PKP1: variants seen among roughly 807,000 people sequenced by gnomAD.
The protein encoded by PKP1 is plakophilin-1.
A neutral mutation model predicts 76.4 loss-of-function variants in PKP1; 27 were observed. The ratio of observed to expected loss-of-function variants is 0.35; its 90% CI spans 0.26 to 0.49. PKP1 has a LOEUF of 0.49. Ranked by LOEUF, PKP1 falls within the 20% of genes least tolerant of loss-of-function variation. The pLI is 0.99. For missense variants in PKP1, 964 were observed against 955.2 expected, an observed-to-expected ratio of 1.01 and a Z score of -0.12; for synonymous variants, 404 against 384.2, an observed-to-expected ratio of 1.05 and a Z score of -0.60.
rs199726807 is a variant in PKP1 at position 201,324,928 on chromosome 1, G to A, written c.1835-13G>A. 1.6e-4 allele frequency: 254 copies of A among 1,612,662 alleles called. No homozygotes were observed. In the African/African-American group the frequency reaches 2.9e-3, roughly 19 times the overall value. ...TCATCCTGACCCTGTGCCCCAACTC[G>A]TTCCTCTCCCAGGGAACCAGGTGTT... On this transcript the variant is annotated splice_polypyrimidine_tract_variant and intron_variant, in intron 10 of 13. Transcript: ENST00000367324.
At chr1:201,295,199 G>C (rs1468099583) in intron 2 of PKP1, among the ~76,000 whole-genome samples, 1 of 152,044 alleles carries the variant, frequency 6.6e-6, no homozygotes, top group Non-Finnish European at 1.5e-5. Context: ...GGAGAGGAGA[G>C]GGTGAGGAGT....
intron 3 of PKP1, 27 bp downstream of exon 3, chr1:201,313,587 A>T (rs764295170): frequency 6.2e-7 from 1 of 1,602,782 alleles, no homozygotes; most frequent in Admixed American, 1.7e-5. Context: ...TGGGTTGGGG[A>T]GCCAGGAGGG....
At chr1:201,286,286 C>T (rs1655735578) in intron 1 of PKP1, among the ~76,000 whole-genome samples, 1 of 152,142 alleles carries the variant, frequency 6.6e-6, no homozygotes, top group South Asian at 2.1e-4. Flanking sequence ...AGAGCAGAGT[C>T]AGTTTACCTA....
Position 201,318,808 on chromosome 1 carries a change from G to A in PKP1, c.1232+13G>A, listed in dbSNP as rs1446577143. ...CAGGCTGCTTGAGGTGAGAGAAGAG[G>A]ATACATGGGGTCTTTTTGTCCCAGC... On this transcript the variant is annotated intron_variant, in intron 6 of 13. Coordinates refer to ENST00000367324, the MANE Select transcript of PKP1 (RefSeq NM_001005337.3). 1 of 1,581,978 alleles carries A rather than the reference G, an allele frequency of 6.3e-7. No homozygotes were observed. Among genetic ancestry groups the A allele is most frequent in the Non-Finnish European group, 8.6e-7 (1 of 1,163,688 alleles).
At chr1:201,316,287 G>T in intron 3 of PKP1, 1 of 466,232 alleles carries the variant, frequency 2.1e-6, no homozygotes, top group East Asian at 3.5e-5. Context: ...CCTCAGTGGA[G>T]AGATAACATA....
At chr1:201,327,598 C>T (rs1383261761) in intron 12 of PKP1, among the ~76,000 whole-genome samples, 1 of 151,746 alleles carries the variant, frequency 6.6e-6, no homozygotes. Context: ...TCAGCTTACC[C>T]CAAAACACAG....
Position 201,293,924 on chromosome 1 carries a change from C to G in PKP1, c.203-18C>G. The G allele has an allele frequency of 6.4e-7, 1 of 1,550,482 alleles. No individual in the cohort carries two copies. Among genetic ancestry groups the G allele is most frequent in the African/African-American group, 1.4e-5 (1 of 73,692 alleles). On this transcript the variant is annotated intron_variant, in intron 1 of 13. Transcript: ENST00000367324. ...GATCATGGCCATCCCTGTCCTAATC[C>G]CCTCCTTTCTCCTCTAGGTTCCATG...
chr1:201,324,597 C>T lies in PKP1; in HGVS notation c.1834+16C>T. 1.9e-6 allele frequency: 3 copies of T among 1,613,792 alleles called. No homozygotes were observed. The highest frequency in any genetic ancestry group is 3.3e-4 in the Middle Eastern group (2 of 6,058). ...AGAGTGATGGGTAAGGTCCCTCTCTCTCCTCCCCCTCTAGCTAAGACATGG... is the reference window on the plus strand; with the variant it reads ...AGAGTGATGGGTAAGGTCCCTCTCTTTCCTCCCCCTCTAGCTAAGACATGG... On this transcript the variant is annotated intron_variant, in intron 10 of 13. Transcript: ENST00000367324.
At chr1:201,300,132 C>T (rs940947480) in intron 2 of PKP1, among the ~76,000 whole-genome samples, 3 of 152,356 alleles carry the variant, frequency 2.0e-5, no homozygotes, top group Non-Finnish European at 4.4e-5. Flanking sequence ...CAAGAAGAGG[C>T]AATGATCCTA....
At chr1:201,294,427 C>A (rs1297086395) in intron 2 of PKP1, among the ~76,000 whole-genome samples, 1 of 152,184 alleles carries the variant, frequency 6.6e-6, no homozygotes, top group Non-Finnish European at 1.5e-5. Flanking sequence ...TCTGTTCGTT[C>A]TGTGCCTATG....
chr1:201,294,888 A>G (rs773912958), intron 2 of PKP1, among the ~76,000 whole-genome samples: 3 of 152,370 alleles, frequency 2.0e-5, no homozygotes, highest in South Asian at 2.1e-4. Context: ...CAGCCAGTGC[A>G]GGAATTTTCT....
In PKP1 at chr1:201,332,540, C is replaced by T. The variant is rs1657360616; in HGVS notation, c.*2499C>T. The T allele has an allele frequency of 1.3e-5, 2 of 152,270 alleles. No homozygotes were observed. The allele number at this position is 152,270 out of a possible 1,614,324, so 9.4% of individuals were successfully genotyped here. A position where few individuals can be genotyped will look rare whatever the true frequency, so the allele number is the denominator to read the frequency against. ...GGATTTTAAGTCCACATTGGCCTCA[C>T]ACTACCAGGGCCAATGCCCAAAATA... On this transcript the variant is annotated 3_prime_UTR_variant, in exon 14 of 14. Transcript: ENST00000367324.
At position 201,283,828 on chromosome 1, in the gene PKP1, G is replaced by A; in HGVS notation, c.126G>A (p.Gln42=). Residue 42 remains glutamine (Q), a synonymous_variant, in exon 1 of 14, where the codon CAG becomes CAA. Transcript: ENST00000367324. The part of the protein sequence containing the change: ...KTGTSGRQRV[Q]EQVMMTVKRQ... ...GCACGTCTGGCAGGCAGCGCGTGCA[G>A]GAGCAGGTGATGATGACCGTCAAGC... is the stretch of plus-strand genomic sequence containing the variant. 6.2e-7 allele frequency: 1 copy of A among 1,614,184 alleles called. No individual in the cohort carries two copies. The highest frequency in any genetic ancestry group is 8.5e-7 in the Non-Finnish European group (1 of 1,180,004).
At chr1:201,319,929 G>A in intron 6 of PKP1, 1 of 1,584,172 alleles carries the variant, frequency 6.3e-7, no homozygotes, top group South Asian at 1.1e-5. Flanking sequence ...TGGAGCCATT[G>A]CCAGTTATAA....
intron 8 of PKP1, among the ~76,000 whole-genome samples, chr1:201,322,785 C>T (rs1281929847): frequency 6.6e-6 from 1 of 152,226 alleles, no homozygotes; most frequent in Non-Finnish European, 1.5e-5. Context: ...CATCCTGGGA[C>T]AGTCTGGGGG....
chr1:201,325,174 T>C, intron 11 of PKP1, 47 bp downstream of exon 11: 2 of 1,577,418 alleles, frequency 1.3e-6, no homozygotes, highest in Non-Finnish European at 1.7e-6. Flanking sequence ...TCAGAGCCCC[T>C]CCTCACCCTG....
rs772039714 is a variant in PKP1 at position 201,328,882 on chromosome 1, C to G, written c.*32+14C>G. 1 of 1,488,968 alleles carries G rather than the reference C, an allele frequency of 6.7e-7. No homozygotes were observed. Among genetic ancestry groups the G allele is most frequent in the Non-Finnish European group, 9.4e-7 (1 of 1,065,812 alleles). The allele number at this position is 1,488,968 out of a possible 1,614,324, so 92.2% of individuals were successfully genotyped here. On this transcript the variant is annotated intron_variant, in intron 13 of 13. Coordinates refer to ENST00000367324, the MANE Select transcript of PKP1 (RefSeq NM_001005337.3). ...TTAGGCTTGCAGGTAAGAATCACCC[C>G]ACCCTCAGGGATGCCTCTGGGACCA...
chr1:201,289,517 CCCTATGA>C lies in PKP1; in HGVS notation c.203-4421_203-4415del, dbSNP rs1421430117. Among the ~76,000 whole-genome samples the C allele has an allele frequency of 1.2e-4, 19 of 152,230 alleles. No homozygotes were observed. In the South Asian group the frequency reaches 3.7e-3, roughly 30 times the overall value. On this transcript the variant is annotated intron_variant, in intron 1 of 13. Transcript: ENST00000367324. ...GAGGGAAAGTGGAAAAAGCGGATTT[CCCTATGA>C]CCTCTGTCTGCAGGAAGGCTGATGT... is the stretch of plus-strand genomic sequence containing the variant.
At chr1:201,286,992 A>G (rs996645544) in intron 1 of PKP1, among the ~76,000 whole-genome samples, 1 of 152,162 alleles carries the variant, frequency 6.6e-6, no homozygotes, top group Non-Finnish European at 1.5e-5. Flanking sequence ...AATACAGATC[A>G]CACCCAGCTC....
Sources: allele counts gnomAD v4.1 joint callset (sites outside exome capture counted in the v4.1 genomes callset), GRCh38; gene constraint gnomAD v4.1.1; transcripts MANE v1.5; gene names NCBI Gene and HGNC (gene_info 2026-07-23, HGNC 2026-07-21).